The following LRRTM4 variants were observed in gnomAD, a reference collection of about 807,000 sequenced individuals.
LRRTM4 encodes leucine-rich repeat transmembrane neuronal protein 4.
LRRTM4 carries 25 observed loss-of-function variants against 47.6 expected under a neutral mutation model. The observed-to-expected ratio is 0.53, with a 90% CI of 0.38 to 0.73. The LOEUF is 0.73. Among genes scored for constraint, LRRTM4 ranks in the 30% least tolerant of loss-of-function variants. The pLI, the probability that LRRTM4 is intolerant of heterozygous loss-of-function variation, is 0.00. For synonymous variants in LRRTM4, 311 were observed against 269.5 expected, an observed-to-expected ratio of 1.15 and a Z score of -1.51; for missense variants, 638 against 713.4, an observed-to-expected ratio of 0.89 and a Z score of 1.20.
intron 3 of LRRTM4, among the ~76,000 whole-genome samples, chr2:77,022,464 C>G (rs1016356033): frequency 6.6e-6 from 1 of 152,140 alleles, no homozygotes; most frequent in African/African-American, 2.4e-5. Flanking sequence ...ACCCAAAAGT[C>G]CACAGTTGAA....
At chr2:76,998,403 A>G (rs900215779) in intron 3 of LRRTM4, among the ~76,000 whole-genome samples, 1 of 152,148 alleles carries the variant, frequency 6.6e-6, no homozygotes, top group Non-Finnish European at 1.5e-5. Context: ...AGCTGGGGTT[A>G]ATAATGATGT....
intron 3 of LRRTM4, among the ~76,000 whole-genome samples, chr2:77,114,504 C>T (rs1235868532): frequency 6.6e-6 from 1 of 152,132 alleles, no homozygotes; most frequent in African/African-American, 2.4e-5. Context: ...GTGGACCAGA[C>T]AGACGAACAT....
chr2:76,957,760 TAAG>T lies in LRRTM4; in HGVS notation c.1552-208847_1552-208845del, dbSNP rs141179547. 1.3e-3 allele frequency among the ~76,000 whole-genome samples: 200 copies of T among 151,736 alleles called. 3 individuals carry two copies. In the East Asian group the frequency reaches 0.032, roughly 24 times the overall value. On this transcript the variant is annotated intron_variant, in intron 3 of 3. Coordinates refer to ENST00000409884, the MANE Select transcript of LRRTM4 (RefSeq NM_001134745.3). ...TTAACAGGGTGTAAAAGCTTGAATATAAGAAGAATAATCAAAGTTTCTCATAAT... is the reference window on the plus strand; with the variant it reads ...TTAACAGGGTGTAAAAGCTTGAATATAAGAATAATCAAAGTTTCTCATAAT...
intron 3 of LRRTM4, among the ~76,000 whole-genome samples, chr2:77,433,436 C>T (rs1451353958): frequency 2.6e-5 from 4 of 152,038 alleles, no homozygotes; most frequent in African/African-American, 9.7e-5. Flanking sequence ...AAACGGATTG[C>T]CAAGTTCAGA....
chr2:76,998,477 T>C (rs1432226452), intron 3 of LRRTM4, among the ~76,000 whole-genome samples: 1 of 151,942 alleles, frequency 6.6e-6, no homozygotes, highest in African/African-American at 2.4e-5. Flanking sequence ...AGATCCATGA[T>C]GCACACACAC....
At chr2:76,901,095 G>T (rs1356813820) in intron 3 of LRRTM4, among the ~76,000 whole-genome samples, 1 of 152,070 alleles carries the variant, frequency 6.6e-6, no homozygotes, top group African/African-American at 2.4e-5. Context: ...GCGCAGGTTT[G>T]TTACATTGGT....
At chr2:77,192,335 TTTG>T (rs1673691751) in intron 3 of LRRTM4, among the ~76,000 whole-genome samples, 1 of 152,078 alleles carries the variant, frequency 6.6e-6, no homozygotes, top group Non-Finnish European at 1.5e-5. Flanking sequence ...CTCAGTTTAG[TTTG>T]TTATTTTTGA....
chr2:76,797,128 C>A (rs1224264531), intron 3 of LRRTM4, among the ~76,000 whole-genome samples: 1 of 152,026 alleles, frequency 6.6e-6, no homozygotes, highest in Non-Finnish European at 1.5e-5. Flanking sequence ...CACAAAGATA[C>A]TCCTCGAGAA....
intron 3 of LRRTM4, among the ~76,000 whole-genome samples, chr2:77,041,171 C>T (rs1242005134): frequency 6.6e-6 from 1 of 151,508 alleles, no homozygotes; most frequent in African/African-American, 2.4e-5. Context: ...AGATCAAACA[C>T]TATTTGTCAT....
At chr2:77,129,915 T>C (rs189822262) in intron 3 of LRRTM4, among the ~76,000 whole-genome samples, 409 of 152,314 alleles carry the variant, frequency 2.7e-3, no homozygotes, top group Non-Finnish European at 4.4e-3. Flanking sequence ...GTTCTTCATA[T>C]TCAAGAGTGT....
chr2:76,864,276 A>G (rs1672401419), intron 3 of LRRTM4, among the ~76,000 whole-genome samples: 1 of 152,222 alleles, frequency 6.6e-6, no homozygotes, highest in South Asian at 2.1e-4. Context: ...CTATCCAAAG[A>G]TGGAATGAAA....
At chr2:76,887,321 C>T (rs754955327) in intron 3 of LRRTM4, among the ~76,000 whole-genome samples, 1 of 151,204 alleles carries the variant, frequency 6.6e-6, no homozygotes, top group Non-Finnish European at 1.5e-5. Context: ...GTAAAGCAAC[C>T]TTTAATTTTA....
intron 3 of LRRTM4, among the ~76,000 whole-genome samples, chr2:77,430,225 T>A (rs1458029572): frequency 6.6e-6 from 1 of 152,224 alleles, no homozygotes; most frequent in Non-Finnish European, 1.5e-5. Context: ...TTCCACAATG[T>A]ATACATACTT....
At position 77,392,655 on chromosome 2, in the gene LRRTM4, T is replaced by C. The variant is rs535924886; in HGVS notation, c.1551+125663A>G. Among the ~76,000 whole-genome samples, 124 of 151,876 alleles carry C rather than the reference T, an allele frequency of 8.2e-4. 1 individual carries two copies. Among genetic ancestry groups the C allele is most frequent in the African/African-American group, 2.9e-3 (120 of 41,464 alleles). On this transcript the variant is annotated intron_variant, in intron 3 of 3. Transcript: ENST00000409884. Reference sequence around the variant, plus strand: ...AATACCACATGATCTCACTTACAAGTGGAATGTAATAAGTTTGAGCTCATA... The same window carrying C: ...AATACCACATGATCTCACTTACAAGCGGAATGTAATAAGTTTGAGCTCATA...
intron 3 of LRRTM4, among the ~76,000 whole-genome samples, chr2:77,238,447 A>G (rs1463572624): frequency 6.6e-6 from 1 of 152,072 alleles, no homozygotes; most frequent in Non-Finnish European, 1.5e-5. Context: ...CCTCAAAGAC[A>G]CAGGCATACC....
At position 77,193,788 on chromosome 2, in the gene LRRTM4, T is replaced by A. The variant is rs551545371; in HGVS notation, c.1551+324530A>T. ...GTGAAACTCCATCTCAGGAAAAAAA[T>A]ATATATTTTTCAGTCACCATGTGCA... On this transcript the variant is annotated intron_variant, in intron 3 of 3. Coordinates refer to ENST00000409884, the MANE Select transcript of LRRTM4 (RefSeq NM_001134745.3). Among the ~76,000 whole-genome samples the A allele has an allele frequency of 1.8e-4, 28 of 152,076 alleles. No individual in the cohort carries two copies. The South Asian group carries it at 3.9e-3, about 21-fold the overall frequency.
At chr2:76,755,144 TTGATTATTTTATCTTAGTAGTCTATCCC>T (rs1303739921) in intron 3 of LRRTM4, among the ~76,000 whole-genome samples, 1 of 152,186 alleles carries the variant, frequency 6.6e-6, no homozygotes, top group Non-Finnish European at 1.5e-5. Context: ...TGAAAAGATC[TTGATTATTTTATCTTAGTAGTCTATCCC>T]TGACCATTTT....
At chr2:77,517,646 A>C (rs923378760) in intron 3 of LRRTM4, 2 of 982,092 alleles carry the variant, frequency 2.0e-6, no homozygotes, top group African/African-American at 3.5e-5. Context: ...AAAAGAAGGA[A>C]GAGAAAGGAA....
intron 3 of LRRTM4, among the ~76,000 whole-genome samples, chr2:77,003,918 A>G (rs76570463): frequency 0.022 from 3,306 of 152,280 alleles, 122 homozygotes; most frequent in East Asian, 0.14. Context: ...AGGTGGTCTC[A>G]TAGGGACATG....
Sources: allele counts gnomAD v4.1 joint callset (sites outside exome capture counted in the v4.1 genomes callset), GRCh38; gene constraint gnomAD v4.1.1; transcripts MANE v1.5; gene names NCBI Gene and HGNC (gene_info 2026-07-23, HGNC 2026-07-21).